CDH9: variants seen among roughly 807,000 people sequenced by gnomAD.
CDH9 encodes the protein cadherin 9.
In CDH9, 28 loss-of-function variants were observed where a neutral mutation model predicts 70.9. The ratio of observed to expected loss-of-function variants is 0.40; its 90% confidence interval spans 0.29 to 0.54. The LOEUF (loss-of-function observed/expected upper bound fraction) is 0.54, where lower values mean the gene tolerates loss of function less well. CDH9 is among the 20% of genes least tolerant of loss of function. CDH9 has a pLI of 0.59. For synonymous variants in CDH9, 409 were observed against 343.1 expected (o/e 1.19, Z -2.12); for missense variants, 874 against 984.4 (o/e 0.89, Z 1.50).
intron 1 of CDH9, among the ~76,000 whole-genome samples, chr5:27,011,277 C>A (rs1460336131): frequency 6.6e-6 from 1 of 152,054 alleles, no homozygotes; most frequent in Non-Finnish European, 1.5e-5. Flanking sequence ...AGGAATCTGA[C>A]CTTACGTGGA....
In CDH9 at chr5:26,902,456, A is replaced by C; in HGVS notation, c.1253+20T>G. ...TTATTATATTTCTAAAAACATAATA[A>C]ATGTTTTCAAAGTACTTACTTTATT... On this transcript the variant is annotated intron_variant, in intron 7 of 11. Transcript: ENST00000231021. 6.5e-7 allele frequency: 1 copy of C among 1,542,748 alleles called. No individual in the cohort carries two copies. Among genetic ancestry groups the C allele is most frequent in the Non-Finnish European group, 8.9e-7 (1 of 1,123,782 alleles).
At chr5:27,001,535 A>T (rs1742768071) in intron 1 of CDH9, among the ~76,000 whole-genome samples, 1 of 152,124 alleles carries the variant, frequency 6.6e-6, no homozygotes, top group African/African-American at 2.4e-5. Context: ...ACCAATGTAA[A>T]ATCATTTATT....
intron 3 of CDH9, 141 bp from the exon 4 acceptor site, chr5:26,906,979 A>C: frequency 7.9e-7 from 1 of 1,265,778 alleles, no homozygotes; most frequent in Non-Finnish European, 1.0e-6. Flanking sequence ...ATACTTCCTC[A>C]AAAAAGTTAC....
chr5:27,024,303 C>T (rs991360978), intron 1 of CDH9, among the ~76,000 whole-genome samples: 1 of 151,738 alleles, frequency 6.6e-6, no homozygotes, highest in Non-Finnish European at 1.5e-5. Flanking sequence ...TCAATATGTT[C>T]TTATTGTTAC....
At chr5:26,978,157 C>T (rs1037782123) in intron 2 of CDH9, among the ~76,000 whole-genome samples, 7 of 142,036 alleles carry the variant, frequency 4.9e-5, no homozygotes, top group Non-Finnish European at 1.1e-4. Flanking sequence ...AGTAAAAAAA[C>T]AGAAACATTC....
chr5:26,890,107 C>A, intron 8 of CDH9, 150 bp from the exon 9 acceptor site: 1 of 707,904 alleles, frequency 1.4e-6, no homozygotes. Flanking sequence ...CTTACATGGT[C>A]CAAAAGAAAA....
At chr5:26,965,022 G>A (rs1205359294) in intron 2 of CDH9, among the ~76,000 whole-genome samples, 1 of 151,996 alleles carries the variant, frequency 6.6e-6, no homozygotes, top group African/African-American at 2.4e-5. Flanking sequence ...AAATGCTTAT[G>A]TCTGTGGTAA....
rs540844753 is a variant in CDH9, at chr5:26,947,451, A to C, written c.229-31527T>G. ...TGTGCATCCAAAACATACAGTCCGC[A>C]GTTTTGACAGAACTCAATTATGGCT... On this transcript the variant is annotated intron_variant, in intron 2 of 11. Transcript: ENST00000231021. Among the ~76,000 whole-genome samples, 8 of 152,318 alleles carry C rather than the reference A, an allele frequency of 5.3e-5. No homozygotes were observed. In the East Asian group the frequency reaches 1.4e-3, roughly 26 times the overall value.
chr5:27,001,224 C>T (rs6869941), intron 1 of CDH9, among the ~76,000 whole-genome samples: 71,260 of 151,916 alleles, frequency 0.47, 17,557 homozygotes, highest in African/African-American at 0.5. Flanking sequence ...GAAACAACCT[C>T]AGTGAAGAGA....
rs1056094732 is a variant in CDH9, at chr5:26,909,589, G to A, written c.524-2751C>T. On this transcript the variant is annotated intron_variant, in intron 3 of 11. Coordinates refer to ENST00000231021, the MANE Select transcript of CDH9 (RefSeq NM_016279.4). ...TTAGGGTACATGTGCACATTGTGCA[G>A]GTTAGTTACATATGTATACATGTGC... Among the ~76,000 whole-genome samples the A allele has an allele frequency of 1.0e-4, 15 of 147,520 alleles. No individual in the cohort carries two copies. In the Admixed American group the frequency reaches 1.0e-3, roughly 10 times the overall value.
intron 11 of CDH9, among the ~76,000 whole-genome samples, chr5:26,883,094 T>TAA (rs1303778672): frequency 6.2e-4 from 62 of 100,322 alleles, no homozygotes; most frequent in African/African-American, 2.3e-3. Flanking sequence ...TATATATATA[T>TAA]AAAACTGCAG....
At chr5:26,993,619 G>A (rs1245090796) in intron 1 of CDH9, among the ~76,000 whole-genome samples, 1 of 133,672 alleles carries the variant, frequency 7.5e-6, no homozygotes, top group Non-Finnish European at 1.5e-5. Context: ...AAGTGAAGAA[G>A]AAGGATATGG....
intron 2 of CDH9, among the ~76,000 whole-genome samples, chr5:26,964,458 G>A (rs986549515): frequency 1.3e-5 from 2 of 152,086 alleles, no homozygotes; most frequent in African/African-American, 2.4e-5. Context: ...TAAGTGTGTC[G>A]ATTGACTGGT....
chr5:27,019,333 A>G (rs1743097500), intron 1 of CDH9, among the ~76,000 whole-genome samples: 1 of 151,978 alleles, frequency 6.6e-6, no homozygotes, highest in South Asian at 2.1e-4. Flanking sequence ...ACATTTTTGG[A>G]TGTTTTTTAA....
At chr5:27,009,615 C>A (rs1742923627) in intron 1 of CDH9, among the ~76,000 whole-genome samples, 1 of 152,050 alleles carries the variant, frequency 6.6e-6, no homozygotes, top group Non-Finnish European at 1.5e-5. Flanking sequence ...GCAATGGATA[C>A]TATATATACA....
intron 3 of CDH9, among the ~76,000 whole-genome samples, chr5:26,914,012 T>G (rs1741101655): frequency 6.6e-6 from 1 of 151,968 alleles, no homozygotes. Context: ...GGGAAATACT[T>G]GTTTTTTCAA....
At chr5:27,016,153 A>G (rs1743042746) in intron 1 of CDH9, among the ~76,000 whole-genome samples, 1 of 151,876 alleles carries the variant, frequency 6.6e-6, no homozygotes, top group Admixed American at 6.6e-5. Flanking sequence ...TAATATCTCA[A>G]TAAATCTCCA....
intron 1 of CDH9, among the ~76,000 whole-genome samples, chr5:26,988,637 A>T (rs997949810): frequency 3.3e-5 from 5 of 152,026 alleles, no homozygotes; most frequent in Non-Finnish European, 7.4e-5. Context: ...TCAGATACAT[A>T]TTAATATTTT....
intron 2 of CDH9, among the ~76,000 whole-genome samples, chr5:26,985,260 T>C (rs570706740): frequency 6.2e-4 from 95 of 152,258 alleles, no homozygotes; most frequent in African/African-American, 2.1e-3. Context: ...AAAATATTTC[T>C]AGCTCTTCTT....
Sources: allele counts gnomAD v4.1 joint callset (sites outside exome capture counted in the v4.1 genomes callset), GRCh38; gene constraint gnomAD v4.1.1; transcripts MANE v1.5; gene names NCBI Gene and HGNC (gene_info 2026-07-23, HGNC 2026-07-21).